The following CERKL variants were observed in gnomAD, a reference collection of about 807,000 sequenced individuals.
CERKL encodes CERK like autophagy regulator, also known as ceramide kinase-like protein.
A neutral mutation model predicts 63.4 loss-of-function variants in CERKL; 61 were observed. The observed-to-expected ratio is 0.96, with a 90% CI of 0.78 to 1.19. The LOEUF is 1.19. Among genes scored for constraint, CERKL ranks in the 50% most tolerant of loss-of-function variants. The probability of loss-of-function intolerance (pLI) is 0.00; values close to 1 mark genes in which losing one functional copy is unlikely to be tolerated. For synonymous variants in CERKL, 250 were observed against 230.5 expected (o/e 1.08, Z -0.77); for missense variants, 675 against 655.5 (o/e 1.03, Z -0.33).
chr2:181,590,597 A>C (rs557680903), intron 2 of CERKL, among the ~76,000 whole-genome samples: 5 of 152,212 alleles, frequency 3.3e-5, no homozygotes, highest in Non-Finnish European at 5.9e-5. Context: ...AAAAAAACCA[A>C]AAGTATTATG....
intron 3 of CERKL, among the ~76,000 whole-genome samples, chr2:181,569,977 T>C (rs1688835590): frequency 1.3e-5 from 2 of 152,196 alleles, no homozygotes; most frequent in Non-Finnish European, 2.9e-5. Flanking sequence ...CAAATGACTT[T>C]AGGCTGAATC....
chr2:181,539,761 T>C (rs1380029449), intron 11 of CERKL, among the ~76,000 whole-genome samples: 3 of 152,296 alleles, frequency 2.0e-5, no homozygotes, highest in Middle Eastern at 6.8e-3. Context: ...TTTTAAAAGG[T>C]GTTTGCCTGC....
rs1303432676 is a variant in CERKL, at chr2:181,550,100, GCATA to G, written c.821-396_821-393del. Reference sequence around the variant, plus strand: ...GTGCCTCTGGGGAGCAGTGACAAATGCATACATAAATAAAAGAGAAAATAATCCA... The same window carrying G: ...GTGCCTCTGGGGAGCAGTGACAAATGCATAAATAAAAGAGAAAATAATCCA... On this transcript the variant is annotated intron_variant, in intron 5 of 12. Transcript: ENST00000410087. The surrounding 1 kb of genome is among the most constrained non-coding windows in gnomAD (Gnocchi z 4.5). Among the ~76,000 whole-genome samples, 1 of 151,978 alleles carries G rather than the reference GCATA, an allele frequency of 6.6e-6. No individual in the cohort carries two copies. Among genetic ancestry groups the G allele is most frequent in the Non-Finnish European group, 1.5e-5 (1 of 67,968 alleles).
At chr2:181,596,906 T>C (rs1685236877) in intron 2 of CERKL, among the ~76,000 whole-genome samples, 3 of 152,226 alleles carry the variant, frequency 2.0e-5, no homozygotes. Context: ...AGGATGAAAT[T>C]CTAAAAAGTG....
At position 181,603,974 on chromosome 2, in the gene CERKL, C is replaced by A. The variant is rs1388032639; in HGVS notation, c.344G>T (p.Gly115Val). 6 of 1,613,032 alleles carry A rather than the reference C, an allele frequency of 3.7e-6. No homozygotes were observed. The part of the protein sequence containing the change: ...RRCSVKQQRS[G>V]TLLGITLFIC... The stretch of plus-strand genomic sequence containing the variant: ...GAAGAGTGTGATACCTAATAAAGTA[C>A]CACTTCTCTGCTGTTTAACAGAACA... The change falls in exon 2 of 13, where the codon GGT (glycine) becomes GTT (valine). Residue 115 changes from glycine to valine, a missense_variant. Physicochemically the swap from Gly to Val is moderately radical, Grantham distance 109. Coordinates refer to ENST00000410087, the MANE Select transcript of CERKL (RefSeq NM_201548.5).
intron 1 of CERKL, among the ~76,000 whole-genome samples, chr2:181,625,059 A>G (rs1686624834): frequency 6.6e-6 from 1 of 152,224 alleles, no homozygotes; most frequent in Non-Finnish European, 1.5e-5. Context: ...CAGAGACAAT[A>G]AGAAGTCAGA....
intron 1 of CERKL, among the ~76,000 whole-genome samples, chr2:181,627,039 T>C (rs1170426146): frequency 1.3e-5 from 2 of 152,252 alleles, no homozygotes; most frequent in Admixed American, 6.5e-5. Flanking sequence ...ATTGGTTTCA[T>C]ATTGCTTGTA....
intron 1 of CERKL, 80 bp from the exon 2 acceptor site, chr2:181,604,159 G>A: frequency 8.4e-7 from 1 of 1,187,588 alleles, no homozygotes; most frequent in Non-Finnish European, 1.2e-6. Context: ...TTACCAGAGG[G>A]TAGAAAGTGA....
At chr2:181,629,785 T>C (rs189863219) in intron 1 of CERKL, among the ~76,000 whole-genome samples, 182 of 152,216 alleles carry the variant, frequency 1.2e-3, no homozygotes, top group African/African-American at 4.1e-3. Context: ...TTGTGCTATA[T>C]TTAGACTGAT....
intron 1 of CERKL, among the ~76,000 whole-genome samples, chr2:181,612,782 G>A (rs994973479): frequency 6.6e-6 from 1 of 151,520 alleles, no homozygotes; most frequent in African/African-American, 2.4e-5. Context: ...CAGTATAATT[G>A]ACCAATGAAA....
intron 4 of CERKL, among the ~76,000 whole-genome samples, chr2:181,563,630 A>G (rs892780604): frequency 2.6e-4 from 40 of 151,582 alleles, no homozygotes; most frequent in African/African-American, 8.2e-4. Context: ...CACCTTTTCT[A>G]TAAATTTCCC....
chr2:181,647,036 G>A (rs1208349551), intron 1 of CERKL, among the ~76,000 whole-genome samples: 1 of 152,212 alleles, frequency 6.6e-6, no homozygotes, highest in South Asian at 2.1e-4. Flanking sequence ...ACATATCTCT[G>A]CTTAAGTGAA....
intron 1 of CERKL, among the ~76,000 whole-genome samples, chr2:181,645,392 A>C (rs972430593): frequency 1.3e-5 from 2 of 152,240 alleles, no homozygotes; most frequent in African/African-American, 4.8e-5. Flanking sequence ...ACAGTAAAGA[A>C]AAAACATATT....
chr2:181,652,245 C>T (rs1433220741), intron 1 of CERKL, among the ~76,000 whole-genome samples: 2 of 152,042 alleles, frequency 1.3e-5, no homozygotes, highest in African/African-American at 4.8e-5. Context: ...TACCTGACTT[C>T]GAAATATACG....
At chr2:181,570,409 A>G (rs1688853992) in intron 3 of CERKL, among the ~76,000 whole-genome samples, 1 of 152,182 alleles carries the variant, frequency 6.6e-6, no homozygotes, top group African/African-American at 2.4e-5. Context: ...CTGATCCTCA[A>G]AATATCTGTC....
chr2:181,618,447 C>G lies in CERKL; in HGVS notation c.239-14368G>C, dbSNP rs1230553152. Among the ~76,000 whole-genome samples, 7 of 151,724 alleles carry G rather than the reference C, an allele frequency of 4.6e-5. No homozygotes were observed. In the East Asian group the frequency reaches 1.2e-3, roughly 25 times the overall value. On this transcript the variant is annotated intron_variant, in intron 1 of 12. Coordinates refer to ENST00000410087, the MANE Select transcript of CERKL (RefSeq NM_201548.5). Reference sequence around the variant, plus strand: ...TTTTTATTTTTTTGAGACAGAGTCTCACTCTGTTGCCCAGGCTAGAGTCCA... The same window carrying G: ...TTTTTATTTTTTTGAGACAGAGTCTGACTCTGTTGCCCAGGCTAGAGTCCA...
chr2:181,647,306 G>A (rs1687710984), intron 1 of CERKL, among the ~76,000 whole-genome samples: 1 of 152,178 alleles, frequency 6.6e-6, no homozygotes. Flanking sequence ...CTGTGAGCCA[G>A]ACAACAAAGT....
chr2:181,594,717 G>A (rs1057240282), intron 2 of CERKL, among the ~76,000 whole-genome samples: 2 of 152,016 alleles, frequency 1.3e-5, no homozygotes, highest in African/African-American at 4.8e-5. Flanking sequence ...AAAAAATATA[G>A]TAAAAAACGG....
At chr2:181,608,172 C>CT (rs1030556345) in intron 1 of CERKL, among the ~76,000 whole-genome samples, 437 of 144,928 alleles carry the variant, frequency 3.0e-3, no homozygotes, top group South Asian at 5.1e-3. Context: ...ACCCAGCTCA[C>CT]TTTTTTTTTT....
Sources: allele counts gnomAD v4.1 joint callset (sites outside exome capture counted in the v4.1 genomes callset), GRCh38; gene constraint gnomAD v4.1.1; non-coding constraint Gnocchi (gnomAD v3.1); transcripts MANE v1.5; gene names NCBI Gene and HGNC (gene_info 2026-07-23, HGNC 2026-07-21).